REV3L: variants seen among roughly 807,000 people sequenced by gnomAD.
REV3L encodes DNA polymerase zeta catalytic subunit.
Under a neutral mutation model 299.4 loss-of-function variants are expected in REV3L, and 69 were observed. That is an observed-to-expected ratio of 0.23 (90% CI 0.19 to 0.28). REV3L has a LOEUF of 0.28. Ranked by LOEUF, REV3L falls within the 10% of genes least tolerant of loss-of-function variation. REV3L has a pLI of 1.00. For missense variants in REV3L, 3,128 were observed against 3,693.8 expected (o/e 0.85, Z 3.97); for synonymous variants, 1,238 against 1,271.4 (o/e 0.97, Z 0.56).
At position 111,380,005 on chromosome 6, in the gene REV3L, A is replaced by T. The variant is rs1780663998; in HGVS notation, c.1431T>A (p.Ile477=). 1 of 1,612,724 alleles carries T rather than the reference A, an allele frequency of 6.2e-7. No homozygotes were observed. Among genetic ancestry groups the T allele is most frequent in the Middle Eastern group, 1.7e-4 (1 of 6,056 alleles). Residue 477 remains isoleucine (I), a synonymous_variant, in exon 11 of 32, where the codon ATT becomes ATA. Transcript: ENST00000368802. ...ACCTCTTTTTGGCACAATGTTCTTC[A>T]ATATTGCTGTCCCATCTCTGGGACA... is the stretch of plus-strand genomic sequence containing the variant. ...LVMSQRWDSN[I]EEHCAKKRSL... is the part of the protein sequence containing the mutation.
intron 3 of REV3L, among the ~76,000 whole-genome samples, chr6:111,407,608 T>C (rs1562264553): frequency 6.6e-6 from 1 of 152,048 alleles, no homozygotes; most frequent in South Asian, 2.1e-4. Flanking sequence ...AGTAAAATGG[T>C]TGGGGTAGAA....
At chr6:111,430,283 C>A in intron 1 of REV3L, 1 of 1,046,078 alleles carries the variant, frequency 9.6e-7, no homozygotes, top group Non-Finnish European at 1.5e-6. Context: ...GAGAAAAGAT[C>A]CAAGTGCTTT....
At chr6:111,449,977 A>G (rs1789307263) in intron 1 of REV3L, among the ~76,000 whole-genome samples, 1 of 152,234 alleles carries the variant, frequency 6.6e-6, no homozygotes, top group Admixed American at 6.5e-5. Context: ...AAGTAGAAGA[A>G]TGCCTGAATA....
intron 1 of REV3L, among the ~76,000 whole-genome samples, chr6:111,442,993 A>G (rs540483213): frequency 3.1e-3 from 414 of 131,752 alleles, no homozygotes; most frequent in Non-Finnish European, 5.7e-3. Context: ...ATGTTGTATT[A>G]TAAGTTTTGT....
At chr6:111,318,118 TGCTCTGTCACCCAG>T (rs1385623685) in intron 26 of REV3L, among the ~76,000 whole-genome samples, 68 of 151,982 alleles carry the variant, frequency 4.5e-4, no homozygotes, top group African/African-American at 1.6e-3. Flanking sequence ...GACGGAGTCT[TGCTCTGTCACCCAG>T]GCTGGGGTGC....
At chr6:111,359,930 A>C (rs1021228245) in intron 16 of REV3L, among the ~76,000 whole-genome samples, 24 of 152,194 alleles carry the variant, frequency 1.6e-4, no homozygotes, top group African/African-American at 5.3e-4. Flanking sequence ...TAGTGACAGG[A>C]GTAGAATTTG....
intron 4 of REV3L, among the ~76,000 whole-genome samples, chr6:111,400,080 A>T (rs1159225113): frequency 6.6e-6 from 1 of 152,208 alleles, no homozygotes; most frequent in Non-Finnish European, 1.5e-5. Context: ...CATCCATGTT[A>T]TATGAATCAA....
chr6:111,421,167 A>G (rs542676344), intron 1 of REV3L, among the ~76,000 whole-genome samples: 318 of 152,256 alleles, frequency 2.1e-3, no homozygotes, highest in Non-Finnish European at 3.8e-3. Context: ...AGTCCTTTAT[A>G]TCCCAACATT....
intron 18 of REV3L, among the ~76,000 whole-genome samples, chr6:111,354,636 T>G (rs1008179416): frequency 4.6e-5 from 7 of 152,176 alleles, no homozygotes; most frequent in African/African-American, 1.4e-4. Context: ...ATTCCATTTT[T>G]CCTCTCTAAA....
chr6:111,370,490 C>T (rs948233780), intron 13 of REV3L, among the ~76,000 whole-genome samples: 1 of 151,890 alleles, frequency 6.6e-6, no homozygotes, highest in East Asian at 1.9e-4. Context: ...CTTTTCTCAC[C>T]CCTTTATTAA....
Position 111,381,362 on chromosome 6 carries a change from C to A in REV3L, c.1179G>T (p.Gln393His). 6.2e-7 allele frequency: 1 copy of A among 1,613,624 alleles called. No individual in the cohort carries two copies. Among genetic ancestry groups the A allele is most frequent in the Non-Finnish European group, 8.5e-7 (1 of 1,179,838 alleles). ...ACTCACTCAGTCTTTGGGTCAAAGGCTGAAAAGTCTGACTATTTTCCATAA... is the reference window on the plus strand; with the variant it reads ...ACTCACTCAGTCTTTGGGTCAAAGGATGAAAAGTCTGACTATTTTCCATAA... ...LNLMENSQTFQPLTQRLSESP... is the reference protein window; with the variant it reads ...LNLMENSQTFHPLTQRLSESP... Residue 393 changes from glutamine to histidine, a missense_variant, in exon 10 of 32, where the codon CAG becomes CAT. Gln to His is a conservative substitution (Grantham distance 24, BLOSUM62 0). Transcript: ENST00000368802.
chr6:111,430,696 C>A lies in REV3L; in HGVS notation c.140-14224G>T, dbSNP rs747127865. On this transcript the variant is annotated intron_variant, in intron 1 of 31. Coordinates refer to ENST00000368802, the MANE Select transcript of REV3L (RefSeq NM_001372078.1). ...AAGCACACGCCTTCAAGAGTCCCAGCAAAGAAAATAAAAAGAAAGACAAAG... is the reference window on the plus strand; with the variant it reads ...AAGCACACGCCTTCAAGAGTCCCAGAAAAGAAAATAAAAAGAAAGACAAAG... 121 of 1,538,458 alleles carry A rather than the reference C, an allele frequency of 7.9e-5. 2 individuals are homozygous for A. In the South Asian group the frequency reaches 1.0e-3, roughly 13 times the overall value.
chr6:111,427,639 C>A (rs184324872), intron 1 of REV3L, among the ~76,000 whole-genome samples: 1 of 152,190 alleles, frequency 6.6e-6, no homozygotes, highest in Non-Finnish European at 1.5e-5. Context: ...ATCTGTCCAG[C>A]ACCAAGCATG....
At chr6:111,359,258 T>C (rs1445423183) in intron 16 of REV3L, among the ~76,000 whole-genome samples, 1 of 152,122 alleles carries the variant, frequency 6.6e-6, no homozygotes, top group Non-Finnish European at 1.5e-5. Context: ...TAGACTATTT[T>C]TCTCAAATAT....
intron 1 of REV3L, chr6:111,430,367 G>T (rs1460721942): frequency 4.1e-5 from 52 of 1,261,932 alleles, no homozygotes; most frequent in Non-Finnish European, 5.7e-5. Flanking sequence ...GATTTTAAAT[G>T]AAAGAAAAGA....
intron 18 of REV3L, among the ~76,000 whole-genome samples, chr6:111,352,501 T>TAG (rs1461923013): frequency 6.6e-6 from 1 of 152,088 alleles, no homozygotes; most frequent in Non-Finnish European, 1.5e-5. Context: ...AAAAGATCCC[T>TAG]AGGTCATTGT....
chr6:111,395,362 T>C (rs1782383450), intron 4 of REV3L, among the ~76,000 whole-genome samples: 1 of 152,234 alleles, frequency 6.6e-6, no homozygotes, highest in African/African-American at 2.4e-5. Context: ...CCCATTTGTC[T>C]ATTTCCACTG....
chr6:111,392,954 G>A lies in REV3L; in HGVS notation c.584C>T (p.Thr195Ile). Reference protein sequence around the residue: ...ARRKSNTLHATGSCKNHLSGN... With the variant: ...ARRKSNTLHAIGSCKNHLSGN... Reference sequence around the variant, plus strand: ...TGATAAATGATTCTTGCAGGATCCAGTTGCATGCAATGTATTACCTAGGAA... The same window carrying A: ...TGATAAATGATTCTTGCAGGATCCAATTGCATGCAATGTATTACCTAGGAA... Residue 195 changes from threonine (T) to isoleucine (I), a missense_variant, in exon 5 of 32, where the codon ACT (threonine) becomes ATT (isoleucine). Thr to Ile is a moderately conservative substitution (Grantham distance 89). Coordinates refer to ENST00000368802, the MANE Select transcript of REV3L (RefSeq NM_001372078.1). 6.2e-7 allele frequency: 1 copy of A among 1,607,892 alleles called. No homozygotes were observed. Among genetic ancestry groups the A allele is most frequent in the African/African-American group, 1.3e-5 (1 of 74,846 alleles).
intron 13 of REV3L, among the ~76,000 whole-genome samples, chr6:111,371,752 C>T (rs2115056328): frequency 6.6e-6 from 1 of 152,138 alleles, no homozygotes; most frequent in Admixed American, 6.5e-5. Context: ...TTAGTAGAGA[C>T]AGGGTTTCAC....
Sources: gnomAD v4.1 joint callset for allele counts (sites outside exome capture counted in the v4.1 genomes callset) on GRCh38, gnomAD v4.1.1 for gene constraint, MANE v1.5 for transcripts, NCBI Gene and HGNC (gene_info 2026-07-23, HGNC 2026-07-21) for gene names.